The following SALL2 variants were observed in gnomAD, a reference collection of about 807,000 sequenced individuals.
The protein encoded by SALL2 is sal-like protein 2.
Under a neutral mutation model 58.5 loss-of-function variants are expected in SALL2, and 32 were observed. The observed-to-expected ratio is 0.55, with a 90% CI of 0.41 to 0.74. The LOEUF is 0.74. Among genes scored for constraint, SALL2 ranks in the 30% least tolerant of loss-of-function variants. The pLI is 0.00. For synonymous variants in SALL2, 516 were observed against 513.6 expected, an observed-to-expected ratio of 1.00 and a Z score of -0.06; for missense variants, 1,201 against 1,268.9, an observed-to-expected ratio of 0.95 and a Z score of 0.81.
At chr14:21,531,887 A>G (rs1244160578) in intron 1 of SALL2, among the ~76,000 whole-genome samples, 1 of 151,222 alleles carries the variant, frequency 6.6e-6, no homozygotes, top group Non-Finnish European at 1.5e-5. Context: ...GCGCCATCAC[A>G]CCCAGCTAAT....
upstream of SALL2, among the ~76,000 whole-genome samples, chr14:21,529,765 T>C (rs1345656385): frequency 6.6e-6 from 1 of 152,020 alleles, no homozygotes; most frequent in Non-Finnish European, 1.5e-5. Flanking sequence ...CTGCATAACA[T>C]AGTGAGACCC....
chr14:21,533,154 A>G (rs1892509434), intron 1 of SALL2, among the ~76,000 whole-genome samples: 1 of 152,164 alleles, frequency 6.6e-6, no homozygotes, highest in Non-Finnish European at 1.5e-5. Flanking sequence ...CATGTGCCCA[A>G]GGTCACATAG....
chr14:21,522,896 G>A lies in SALL2; in HGVS notation c.2826C>T (p.Phe942=). The change falls in exon 2 of 2, where the codon TTC becomes TTT. Residue 942 remains phenylalanine, a synonymous_variant. Transcript: ENST00000537235. ...CCCGCTCAAGAAAGCCCTGCCTGCA[G>A]AAAACACAAGTGAAGAGCGGCCCCT... ...PKEGPLFTCV[F]CRQGFLERAT... is the part of the protein sequence containing the mutation. The A allele has an allele frequency of 6.2e-7, 1 of 1,612,506 alleles. No homozygotes were observed. The highest frequency in any genetic ancestry group is 1.1e-5 in the South Asian group (1 of 90,932).
At chr14:21,526,395 G>GGGAGGCGGGAGCTAGA, upstream of SALL2, 1 of 1,385,684 alleles carries the variant, frequency 7.2e-7, no homozygotes, top group Non-Finnish European at 9.3e-7. Context: ...CTGCTGGGGA[G>GGGAGGCGGGAGCTAGA]GGAGGCGGGA....
chr14:21,534,100 T>C (rs1183041715), intron 1 of SALL2, among the ~76,000 whole-genome samples: 3 of 152,220 alleles, frequency 2.0e-5, no homozygotes, highest in African/African-American at 7.2e-5. Context: ...TTTTGCAGAA[T>C]GGATGCTGCC....
At chr14:21,537,006 C>A in exon 1 of SALL2, 1 of 1,177,466 alleles carries the variant, frequency 8.5e-7, no homozygotes. Context: ...CCCTTGGGTC[C>A]GAAGCCAATT....
At position 21,523,871 on chromosome 14, in the gene SALL2, G is replaced by A; in HGVS notation, c.1851C>T (p.Ala617=). The part of the protein sequence containing the change: ...SAASGAPTTS[A]PAPSSSASSG... ...AAGAGGCTGAGGATGAAGGTGCAGG[G>A]GCAGAGGTGGTGGGGGCTCCTGAGG... The change falls in exon 2 of 2, where the codon GCC becomes GCT. Residue 617 remains alanine, a synonymous_variant. Transcript: ENST00000537235. The surrounding 1 kb of genome is among the most constrained non-coding windows in gnomAD (Gnocchi z 4.4). 1 of 1,614,220 alleles carries A rather than the reference G, an allele frequency of 6.2e-7. No homozygotes were observed. The highest frequency in any genetic ancestry group is 8.5e-7 in the Non-Finnish European group (1 of 1,180,048).
Position 21,525,744 on chromosome 14 carries a change from A to G in SALL2, c.68-90T>C. 1 of 1,380,782 alleles carries G rather than the reference A, an allele frequency of 7.2e-7. No individual in the cohort carries two copies. 85.5% of individuals were successfully genotyped at this position (1,380,782 alleles called of 1,614,324 possible). A position where few individuals can be genotyped will look rare whatever the true frequency, so the allele number is the denominator to read the frequency against. On this transcript the variant is annotated intron_variant, in intron 1 of 1. Coordinates refer to ENST00000537235, the MANE Select transcript of SALL2 (RefSeq NM_001364564.1). This position sits in a 1 kb window ranked among gnomAD's most constrained non-coding sequence, Gnocchi z 4.4. ...ATTAACAAGGAGGCCAGTAACCGCTAGTTGGGGGTGGGGAGATGAGCTCAC... is the reference window on the plus strand; with the variant it reads ...ATTAACAAGGAGGCCAGTAACCGCTGGTTGGGGGTGGGGAGATGAGCTCAC...
chr14:21,523,632 T>A lies in SALL2; in HGVS notation c.2090A>T (p.Lys697Met), dbSNP rs373066758. The A allele has an allele frequency of 6.2e-7, 1 of 1,614,236 alleles. No homozygotes were observed. The highest frequency in any genetic ancestry group is 8.5e-7 in the Non-Finnish European group (1 of 1,180,034). ...AQNSCPICQK[K>M]FTNAVTLQQH... is the part of the protein sequence containing the mutation. Reference sequence around the variant, plus strand: ...CTGCAGAGTGACAGCATTGGTGAACTTCTTCTGGCAGATGGGGCAGGAATT... The same window carrying A: ...CTGCAGAGTGACAGCATTGGTGAACATCTTCTGGCAGATGGGGCAGGAATT... Residue 697 changes from lysine (K) to methionine (M), a missense_variant, in exon 2 of 2, where the codon AAG (lysine) becomes ATG (methionine). Coordinates refer to ENST00000537235, the MANE Select transcript of SALL2 (RefSeq NM_001364564.1). The surrounding 1 kb of genome is among the most constrained non-coding windows in gnomAD (Gnocchi z 4.4).
At chr14:21,529,673 G>A (rs951691016), upstream of SALL2, among the ~76,000 whole-genome samples, 7 of 151,980 alleles carry the variant, frequency 4.6e-5, no homozygotes, top group Non-Finnish European at 1.0e-4. Context: ...TTTAAGCACA[G>A]TGGGTACCTC....
At position 21,535,896 on chromosome 14, in the gene SALL2, C is replaced by T. The variant is rs545295454; in HGVS notation, c.-114+1066G>A. Among the ~76,000 whole-genome samples the T allele has an allele frequency of 2.6e-5, 4 of 152,332 alleles. No homozygotes were observed. In the East Asian group the frequency reaches 7.7e-4, roughly 29 times the overall value. On this transcript the variant is annotated intron_variant, in intron 1 of 1. Transcript: ENST00000541965. The stretch of plus-strand genomic sequence containing the variant: ...CAATTGCAAAATATATAGATTCCCA[C>T]ACCCTGGCTCAGATGTACTCACAAT...
intron 1 of SALL2, among the ~76,000 whole-genome samples, chr14:21,534,431 G>T (rs1010280524): frequency 6.6e-6 from 1 of 152,090 alleles, no homozygotes; most frequent in African/African-American, 2.4e-5. Flanking sequence ...GATGCCATTG[G>T]GTTTAAACCT....
rs1403305129 is a variant in SALL2, at chr14:21,526,285, G to A, written c.-158C>T. ...GGCGGGGGCAGGGAGCAGCGGCGGAGGGGGAGGGGAGCGAGGAGGCGGGGA... is the reference window on the plus strand; with the variant it reads ...GGCGGGGGCAGGGAGCAGCGGCGGAAGGGGAGGGGAGCGAGGAGGCGGGGA... On this transcript the variant is annotated 5_prime_UTR_variant, in exon 1 of 2. Coordinates refer to ENST00000537235, the MANE Select transcript of SALL2 (RefSeq NM_001364564.1). The A allele has an allele frequency of 2.1e-6, 3 of 1,439,502 alleles. No individual in the cohort carries two copies. Among genetic ancestry groups the A allele is most frequent in the Non-Finnish European group, 2.7e-6 (3 of 1,100,918 alleles). The allele number at this position is 1,439,502 out of a possible 1,614,324, so 89.2% of individuals were successfully genotyped here.
chr14:21,530,908 G>A (rs540339072), upstream of SALL2, among the ~76,000 whole-genome samples: 1 of 152,266 alleles, frequency 6.6e-6, no homozygotes, highest in South Asian at 2.1e-4. Context: ...CACTGCCTCT[G>A]GCCCACTTAC....
In SALL2 at chr14:21,524,189, G is replaced by C. The variant is rs147367569; in HGVS notation, c.1533C>G (p.Leu511=). 15 of 1,612,302 alleles carry C rather than the reference G, an allele frequency of 9.3e-6. No individual in the cohort carries two copies. Among genetic ancestry groups the C allele is most frequent in the Non-Finnish European group, 1.3e-5 (15 of 1,179,146 alleles). ...TATTCTTGGGTTCCACTGCTTTCAT[G>C]AGCACAAACTTATTGAAAGCAGGGA... ...PGLPAFNKFV[L]MKAVEPKNKA... Residue 511 remains leucine (L), a synonymous_variant, in exon 2 of 2, where the codon CTC becomes CTG. Transcript: ENST00000537235.
Position 21,524,390 on chromosome 14 carries a change from G to C in SALL2, c.1332C>G (p.Thr444=), listed in dbSNP as rs1594460128. Residue 444 remains threonine (T), a synonymous_variant, in exon 2 of 2, where the codon ACC becomes ACG. Coordinates refer to ENST00000537235, the MANE Select transcript of SALL2 (RefSeq NM_001364564.1). The part of the protein sequence containing the change: ...PVPEHLDYVI[T]SSGLPYGMSV... Reference sequence around the variant, plus strand: ...ACATACCATAAGGCAAGCCACTGCTGGTAATGACATAGTCTAGGTGCTCTG... The same window carrying C: ...ACATACCATAAGGCAAGCCACTGCTCGTAATGACATAGTCTAGGTGCTCTG... 1.9e-6 allele frequency: 3 copies of C among 1,614,208 alleles called. No individual in the cohort carries two copies. The highest frequency in any genetic ancestry group is 2.5e-6 in the Non-Finnish European group (3 of 1,180,044).
rs776718802 is a variant in SALL2, at chr14:21,524,817, G to A, written c.905C>T (p.Pro302Leu). Residue 302 changes from proline (P) to leucine (L), a missense_variant, in exon 2 of 2, where the codon CCA becomes CTA. Physicochemically the swap from Pro to Leu is moderately conservative, Grantham distance 98. Coordinates refer to ENST00000537235, the MANE Select transcript of SALL2 (RefSeq NM_001364564.1). ...CTGATCTGTGCTGCCTGGCAAGGCT[G>A]GGGAAGGGGCAGGGGTGGGTTTGTG... ...RSHKPTPAPS[P>L]ALPGSTDQLI... 5.0e-6 allele frequency: 8 copies of A among 1,610,696 alleles called. No individual in the cohort carries two copies. The Admixed American group carries it at 5.0e-5, about 10-fold the overall frequency.
At chr14:21,533,418 A>T (rs555857179) in intron 1 of SALL2, among the ~76,000 whole-genome samples, 1 of 152,152 alleles carries the variant, frequency 6.6e-6, no homozygotes, top group South Asian at 2.1e-4. Flanking sequence ...TTCCATCTAA[A>T]GTACTCCCCT....
chr14:21,525,388 G>A lies in SALL2; in HGVS notation c.334C>T (p.Pro112Ser). The change falls in exon 2 of 2, where the codon CCA becomes TCA. Residue 112 changes from proline to serine, a missense_variant. Physicochemically the swap from Pro to Ser is moderately conservative, Grantham distance 74. Around this residue, in one of 3 missense-constraint regions of SALL2, gnomAD observed 467 missense variants for 468.9 expected, o/e 1.00. Transcript: ENST00000537235. The surrounding 1 kb of genome is among the most constrained non-coding windows in gnomAD (Gnocchi z 4.4). ...SSVPTDPTWG[P>S]ERRGEESSGH... ...GAAGACTCCTCTCCTCTCCTCTCTG[G>A]GCCCCAGGTGGGATCCGTGGGCACG... 6.2e-7 allele frequency: 1 copy of A among 1,614,058 alleles called. No homozygotes were observed. Among genetic ancestry groups the A allele is most frequent in the Non-Finnish European group, 8.5e-7 (1 of 1,179,982 alleles).
Sources: gnomAD v4.1 joint callset for allele counts (sites outside exome capture counted in the v4.1 genomes callset) on GRCh38, gnomAD v4.1.1 for gene constraint, gnomAD v4.1.1 regional missense constraint, Gnocchi (gnomAD v3.1) non-coding constraint, MANE v1.5 for transcripts, NCBI Gene and HGNC (gene_info 2026-07-23, HGNC 2026-07-21) for gene names.